Variants in NRXN3 observed in about 807,000 individuals in gnomAD.
NRXN3 encodes neurexin 3.
NRXN3 carries 32 observed loss-of-function variants against 137.6 expected under a neutral mutation model. The observed-to-expected ratio is 0.23, with a 90% CI of 0.18 to 0.31. The LOEUF (loss-of-function observed/expected upper bound fraction) is 0.31. Among genes scored for constraint, NRXN3 ranks in the 10% least tolerant of loss-of-function variants. The pLI is 1.00. For synonymous variants in NRXN3, 798 were observed against 784.5 expected (o/e 1.02, Z -0.29); for missense variants, 1,574 against 2,062.5 (o/e 0.76, Z 4.59).
intron 4 of NRXN3, among the ~76,000 whole-genome samples, chr14:78,317,648 G>A (rs545160220): frequency 1.7e-4 from 26 of 152,274 alleles, no homozygotes; most frequent in Middle Eastern, 3.4e-3. Context: ...AGGGCAATTT[G>A]CTTCACTCAG....
rs1205753457 is a variant in NRXN3 at position 78,285,437 on chromosome 14, C to T, written c.727+6775C>T. 3.9e-5 allele frequency among the ~76,000 whole-genome samples: 6 copies of T among 151,958 alleles called. No homozygotes were observed. The East Asian group carries it at 7.7e-4, about 20-fold the overall frequency. On this transcript the variant is annotated intron_variant, in intron 3 of 20. Coordinates refer to ENST00000335750, the MANE Select transcript of NRXN3 (RefSeq NM_001330195.2). ...CCTAGGAGGTAAATTGCTATTTGGC[C>T]CATTTCACCCATGAACCAATTGAGG... is the stretch of plus-strand genomic sequence containing the variant.
At chr14:78,402,125 T>C (rs2092125822) in intron 4 of NRXN3, among the ~76,000 whole-genome samples, 1 of 152,236 alleles carries the variant, frequency 6.6e-6, no homozygotes, top group African/African-American at 2.4e-5. Context: ...ATAGGATCTA[T>C]GTGTGTTCTT....
chr14:79,085,301 A>G (rs960092435), intron 15 of NRXN3, among the ~76,000 whole-genome samples: 7 of 152,198 alleles, frequency 4.6e-5, no homozygotes, highest in Non-Finnish European at 1.0e-4. Context: ...AGCATTGAAA[A>G]GTTAAGCAGT....
intron 16 of NRXN3, among the ~76,000 whole-genome samples, chr14:79,481,361 G>A (rs998603334): frequency 6.6e-5 from 10 of 152,152 alleles, no homozygotes; most frequent in African/African-American, 2.4e-4. Context: ...AGGAGGATAT[G>A]TTCTGGGAAA....
At chr14:78,496,619 A>G (rs2095789772) in intron 4 of NRXN3, among the ~76,000 whole-genome samples, 1 of 152,118 alleles carries the variant, frequency 6.6e-6, no homozygotes, top group South Asian at 2.1e-4. Flanking sequence ...AAGGAGAAAG[A>G]GGCAATGCAA....
rs113205207 is a variant in NRXN3, at chr14:78,413,155, A to G, written c.757+115295A>G. Among the ~76,000 whole-genome samples, 1,018 of 152,230 alleles carry G rather than the reference A, an allele frequency of 6.7e-3. 11 individuals carry two copies. The highest frequency in any genetic ancestry group is 0.023 in the African/African-American group (959 of 41,524). On this transcript the variant is annotated intron_variant, in intron 4 of 20. Transcript: ENST00000335750. ...GGGAAAAGCTACAAGGAAGTGAGGG[A>G]GGAAGAGCAGGGCCAGGGAAGCTAA...
At position 79,004,255 on chromosome 14, in the gene NRXN3, ATTTC is replaced by A. The variant is rs199973458; in HGVS notation, c.3262+16126_3262+16129del. ...GGTGTTCATATAAATAGTGTTGATA[ATTTC>A]TTTCTTTCTTTTTTTTTAGACTGTA... On this transcript the variant is annotated intron_variant, in intron 15 of 20. Coordinates refer to ENST00000335750, the MANE Select transcript of NRXN3 (RefSeq NM_001330195.2). 2.7e-3 allele frequency among the ~76,000 whole-genome samples: 412 copies of A among 152,034 alleles called. 3 individuals carry two copies. The highest frequency in any genetic ancestry group is 9.5e-3 in the African/African-American group (394 of 41,486).
intron 4 of NRXN3, among the ~76,000 whole-genome samples, chr14:78,314,986 CCTTT>C: frequency 1.2e-5 from 1 of 84,576 alleles, no homozygotes; most frequent in Non-Finnish European, 2.2e-5. Context: ...TTCCTTCCTT[CCTTT>C]CTCTTTCTTT....
intron 15 of NRXN3, among the ~76,000 whole-genome samples, chr14:79,033,177 C>T (rs1271341141): frequency 6.6e-6 from 1 of 152,110 alleles, no homozygotes; most frequent in Non-Finnish European, 1.5e-5. Context: ...TCTTCTACCA[C>T]TCCTCTGCAT....
At chr14:79,832,010 G>A (rs1035899599) in intron 20 of NRXN3, among the ~76,000 whole-genome samples, 2 of 151,930 alleles carry the variant, frequency 1.3e-5, no homozygotes, top group African/African-American at 4.8e-5. Context: ...ACACCCCCTC[G>A]CCGCCCTGAT....
intron 10 of NRXN3, among the ~76,000 whole-genome samples, chr14:78,894,612 G>C (rs143054732): frequency 2.0e-5 from 3 of 151,796 alleles, no homozygotes. Flanking sequence ...CATGAATCAC[G>C]AATGTTCTTT....
intron 15 of NRXN3, among the ~76,000 whole-genome samples, chr14:79,111,930 T>A (rs904463987): frequency 4.6e-5 from 7 of 152,152 alleles, no homozygotes; most frequent in Non-Finnish European, 7.3e-5. Context: ...CAACAACCTG[T>A]TATCCATAAT....
At chr14:78,992,994 C>T (rs1447548019) in intron 15 of NRXN3, among the ~76,000 whole-genome samples, 1 of 152,182 alleles carries the variant, frequency 6.6e-6, no homozygotes, top group Non-Finnish European at 1.5e-5. Flanking sequence ...TGGTCACACA[C>T]TGCAGGATGC....
At chr14:78,187,454 A>G (rs1447743607) in intron 1 of NRXN3, among the ~76,000 whole-genome samples, 4 of 151,974 alleles carry the variant, frequency 2.6e-5, no homozygotes, top group African/African-American at 9.7e-5. Flanking sequence ...GTAGTTGGGG[A>G]TGGCTTAGAA....
chr14:78,624,598 A>G (rs1462103440), intron 4 of NRXN3, among the ~76,000 whole-genome samples: 1 of 152,168 alleles, frequency 6.6e-6, no homozygotes, highest in Non-Finnish European at 1.5e-5. Context: ...CAGCCTTTCC[A>G]GAAGAGAATT....
intron 19 of NRXN3, among the ~76,000 whole-genome samples, chr14:79,766,840 G>T (rs1424743804): frequency 6.6e-6 from 1 of 152,186 alleles, no homozygotes; most frequent in Non-Finnish European, 1.5e-5. Flanking sequence ...ATTGCCACAT[G>T]CACAGAATAT....
rs544547789 is a variant in NRXN3, at chr14:78,704,372, G to A, written c.1222-4845G>A. Among the ~76,000 whole-genome samples the A allele has an allele frequency of 2.3e-3, 348 of 152,244 alleles. 4 individuals carry two copies. The highest frequency in any genetic ancestry group is 7.9e-3 in the African/African-American group (330 of 41,532). On this transcript the variant is annotated intron_variant, in intron 6 of 20. Transcript: ENST00000335750. Reference sequence around the variant, plus strand: ...TGGATTTGAAAATCCTAGGGAAGGAGCACCATTTAGAGAGGCTGGAGAGAA... The same window carrying A: ...TGGATTTGAAAATCCTAGGGAAGGAACACCATTTAGAGAGGCTGGAGAGAA...
At chr14:79,768,130 G>A (rs577825826) in intron 19 of NRXN3, among the ~76,000 whole-genome samples, 43 of 152,300 alleles carry the variant, frequency 2.8e-4, no homozygotes, top group South Asian at 1.2e-3. Flanking sequence ...CTACGCCCAC[G>A]GAGTCTCCCT....
chr14:79,073,773 A>AC (rs1311878793), intron 15 of NRXN3, among the ~76,000 whole-genome samples: 1 of 152,168 alleles, frequency 6.6e-6, no homozygotes, highest in Non-Finnish European at 1.5e-5. Flanking sequence ...GGAGCTATCA[A>AC]CTATCAGTCT....
Sources: allele counts gnomAD v4.1 joint callset (sites outside exome capture counted in the v4.1 genomes callset), GRCh38; gene constraint gnomAD v4.1.1; transcripts MANE v1.5; gene names NCBI Gene and HGNC (gene_info 2026-07-23, HGNC 2026-07-21).